DYNC2H1: variants seen among roughly 807,000 people sequenced by gnomAD.
The protein encoded by DYNC2H1 is cytoplasmic dynein 2 heavy chain 1.
DYNC2H1 carries 410 observed loss-of-function variants against 570.0 expected under a neutral mutation model. The ratio of observed to expected loss-of-function variants is 0.72; its 90% confidence interval spans 0.66 to 0.78. DYNC2H1 has a LOEUF of 0.78. DYNC2H1 is among the 30% of genes least tolerant of loss of function. The pLI, the probability that DYNC2H1 is intolerant of heterozygous loss-of-function variation, is 0.00. For missense variants in DYNC2H1, 4,865 were observed against 5,046.4 expected (o/e 0.96, Z 1.09); for synonymous variants, 1,688 against 1,677.6 (o/e 1.01, Z -0.15).
intron 87 of DYNC2H1, among the ~76,000 whole-genome samples, chr11:103,463,343 G>A (rs1160125595): frequency 2.6e-5 from 4 of 152,142 alleles, no homozygotes; most frequent in Non-Finnish European, 4.4e-5. Context: ...CTTTTTTAAA[G>A]TAAAAGGAAT....
At chr11:103,119,791 A>G (rs1304239828) in intron 6 of DYNC2H1, among the ~76,000 whole-genome samples, 1 of 152,176 alleles carries the variant, frequency 6.6e-6, no homozygotes, top group African/African-American at 2.4e-5. Context: ...CTGTAGGGGA[A>G]GTGCTGTTAC....
chr11:103,184,636 T>G (rs187897162), intron 40 of DYNC2H1, among the ~76,000 whole-genome samples: 1 of 152,016 alleles, frequency 6.6e-6, no homozygotes, highest in Admixed American at 6.6e-5. Context: ...ATTCTTCAGG[T>G]TTAGGAAGTA....
Position 103,316,570 on chromosome 11 carries a change from C to A in DYNC2H1, c.11675C>A (p.Ser3892Tyr). The part of the protein sequence containing the change: ...PQGWTKFYEF[S>Y]LSDLRAGYNI... ...GGTTGGACAAAGTTTTATGAATTTT[C>A]TTTATCAGATCTTCGGGCTGGGTAC... Residue 3892 changes from serine (S) to tyrosine (Y), a missense_variant, in exon 80 of 89, where the codon TCT becomes TAT. Coordinates refer to ENST00000375735, the MANE Select transcript of DYNC2H1 (RefSeq NM_001377.3). 6.4e-7 allele frequency: 1 copy of A among 1,558,940 alleles called. No individual in the cohort carries two copies. Among genetic ancestry groups the A allele is most frequent in the Non-Finnish European group, 8.7e-7 (1 of 1,153,102 alleles).
intron 84 of DYNC2H1, chr11:103,403,446 C>G (rs979673985): frequency 6.6e-6 from 1 of 151,840 alleles, no homozygotes; most frequent in African/African-American, 2.4e-5. Context: ...GTGTAGACCC[C>G]TCAGTCTTTA....
At chr11:103,179,665 A>T (rs1861770242) in intron 39 of DYNC2H1, among the ~76,000 whole-genome samples, 1 of 151,800 alleles carries the variant, frequency 6.6e-6, no homozygotes, top group Non-Finnish European at 1.5e-5. Context: ...TTTAGGGCTA[A>T]TTCAGGTTTA....
Position 103,479,462 on chromosome 11 carries a change from G to C in DYNC2H1, c.*209G>C, listed in dbSNP as rs1198136141. ...TTAATGGAGTTATTGTTAAAACAGA[G>C]TATTCTTTTGACAACATTAAATATT... On this transcript the variant is annotated 3_prime_UTR_variant, in exon 89 of 89. Coordinates refer to ENST00000375735, the MANE Select transcript of DYNC2H1 (RefSeq NM_001377.3). The C allele has an allele frequency of 2.2e-5, 10 of 448,558 alleles. No individual in the cohort carries two copies. Among genetic ancestry groups the C allele is most frequent in the Non-Finnish European group, 3.6e-5 (10 of 280,644 alleles). 27.8% of individuals were successfully genotyped at this position (448,558 alleles called of 1,614,324 possible).
At chr11:103,272,509 A>G (rs928222997) in intron 70 of DYNC2H1, among the ~76,000 whole-genome samples, 2 of 152,210 alleles carry the variant, frequency 1.3e-5, no homozygotes, top group African/African-American at 4.8e-5. Flanking sequence ...CCAACATGGC[A>G]CATGTATACA....
chr11:103,128,986 C>T lies in DYNC2H1; in HGVS notation c.1934C>T (p.Ala645Val), dbSNP rs183442510. 3 of 1,603,432 alleles carry T rather than the reference C, an allele frequency of 1.9e-6. No individual in the cohort carries two copies. Among genetic ancestry groups the T allele is most frequent in the Admixed American group, 3.4e-5 (2 of 59,266 alleles). The change falls in exon 13 of 89, where the codon GCA becomes GTA. Residue 645 changes from alanine to valine, a missense_variant. Around this residue, in one of 5 missense-constraint regions of DYNC2H1, gnomAD observed 1,936 missense variants for 1,962.1 expected, o/e 0.99. Transcript: ENST00000375735. The part of the protein sequence containing the change: ...QRPMMLQSAL[A>V]FEQIIKNSKA... Reference sequence around the variant, plus strand: ...CCAATGATGTTACAATCTGCCTTAGCATTTGAACAGATAATTAAGGTAAAT... The same window carrying T: ...CCAATGATGTTACAATCTGCCTTAGTATTTGAACAGATAATTAAGGTAAAT...
At chr11:103,338,729 A>G (rs766950000) in intron 82 of DYNC2H1, among the ~76,000 whole-genome samples, 2 of 152,114 alleles carry the variant, frequency 1.3e-5, no homozygotes, top group Non-Finnish European at 2.9e-5. Context: ...TCTCTGTGTT[A>G]TCTTGAAGTT....
In DYNC2H1 at chr11:103,156,462, A is replaced by G; in HGVS notation, c.3819A>G (p.Gly1273=). 6.2e-7 allele frequency: 1 copy of G among 1,613,736 alleles called. No homozygotes were observed. Among genetic ancestry groups the G allele is most frequent in the African/African-American group, 1.3e-5 (1 of 75,044 alleles). The change falls in exon 26 of 89, where the codon GGA becomes GGG. Residue 1273 remains glycine, a synonymous_variant. Transcript: ENST00000375735. The stretch of plus-strand genomic sequence containing the variant: ...GTGAACTTGATCTTTGGGGAGTTGG[A>G]GCAGTGTTTACATTAATTGATTATG... The part of the protein sequence containing the change: ...ALRELDLWGV[G]AVFTLIDYED...
In DYNC2H1 at chr11:103,133,906, A is replaced by G. The variant is rs112170098; in HGVS notation, c.2106+199A>G. Among the ~76,000 whole-genome samples, 1,075 of 152,296 alleles carry G rather than the reference A, an allele frequency of 7.1e-3. 9 individuals carry two copies. The highest frequency in any genetic ancestry group is 0.024 in the African/African-American group (1,014 of 41,546). On this transcript the variant is annotated intron_variant, in intron 14 of 88. Coordinates refer to ENST00000375735, the MANE Select transcript of DYNC2H1 (RefSeq NM_001377.3). This position sits in a 1 kb window ranked among gnomAD's most constrained non-coding sequence, Gnocchi z 4.8. Reference sequence around the variant, plus strand: ...AACCGGAGTAGTTATCAAAACCAGGAAAAAGACTGTTTTGAATTTTACAAT... The same window carrying G: ...AACCGGAGTAGTTATCAAAACCAGGGAAAAGACTGTTTTGAATTTTACAAT...
chr11:103,417,103 T>C (rs1233600267), intron 84 of DYNC2H1, among the ~76,000 whole-genome samples: 2 of 152,066 alleles, frequency 1.3e-5, no homozygotes, highest in Non-Finnish European at 2.9e-5. Flanking sequence ...GTTAGAATGA[T>C]GGAGTCTTTC....
At chr11:103,353,991 A>G (rs1026892048) in intron 82 of DYNC2H1, among the ~76,000 whole-genome samples, 9 of 151,984 alleles carry the variant, frequency 5.9e-5, no homozygotes, top group African/African-American at 2.2e-4. Flanking sequence ...ATCCTGGCCA[A>G]CATGAGGAAA....
At position 103,189,320 on chromosome 11, in the gene DYNC2H1, T is replaced by C. The variant is rs1862202204; in HGVS notation, c.7293-352T>C. On this transcript the variant is annotated intron_variant, in intron 44 of 88. Transcript: ENST00000375735. The surrounding 1 kb of genome is among the most constrained non-coding windows in gnomAD (Gnocchi z 4.3). ...TGTTGTATTAGTTTTACTTTTATAGTTCTGAGGTGGATTACTGCCCTGTGT... is the reference window on the plus strand; with the variant it reads ...TGTTGTATTAGTTTTACTTTTATAGCTCTGAGGTGGATTACTGCCCTGTGT... Among the ~76,000 whole-genome samples, 1 of 152,108 alleles carries C rather than the reference T, an allele frequency of 6.6e-6. No homozygotes were observed. The highest frequency in any genetic ancestry group is 2.4e-5 in the African/African-American group (1 of 41,422).
chr11:103,471,256 C>T (rs1196407905), intron 88 of DYNC2H1, among the ~76,000 whole-genome samples: 2 of 152,146 alleles, frequency 1.3e-5, no homozygotes, highest in Non-Finnish European at 2.9e-5. Context: ...TCCCCACCTC[C>T]TTTTTCCCCT....
chr11:103,471,749 A>T (rs1945395965), intron 88 of DYNC2H1, among the ~76,000 whole-genome samples: 1 of 152,222 alleles, frequency 6.6e-6, no homozygotes, highest in Non-Finnish European at 1.5e-5. Context: ...GGTTACGAAG[A>T]TAAACAGATT....
intron 76 of DYNC2H1, among the ~76,000 whole-genome samples, chr11:103,303,716 T>C (rs1338073942): frequency 6.6e-6 from 1 of 152,086 alleles, no homozygotes; most frequent in Non-Finnish European, 1.5e-5. Context: ...AGCCCTATAG[T>C]AGTACCTTTG....
At chr11:103,308,799 T>C (rs1401050835) in intron 78 of DYNC2H1, among the ~76,000 whole-genome samples, 1 of 152,188 alleles carries the variant, frequency 6.6e-6, no homozygotes, top group East Asian at 1.9e-4. Context: ...TTCGGAGAAA[T>C]GTCTTTTCAA....
Position 103,186,363 on chromosome 11 carries a change from A to T in DYNC2H1, c.6755A>T (p.Asp2252Val). ...VLKKPEDLTA[D>V]DFSNGLTLPV... ...AAGAAGCCAGAAGACTTGACTGCTG[A>T]TGATTTCAGTAACGGCTTAACTCTT... Residue 2252 changes from aspartate to valine, a missense_variant, in exon 42 of 89, where the codon GAT (aspartate) becomes GTT (valine). By Grantham distance (152) the Asp-to-Val change is radical. Transcript: ENST00000375735. The surrounding 1 kb of genome is among the most constrained non-coding windows in gnomAD (Gnocchi z 4.5). 1 of 1,612,920 alleles carries T rather than the reference A, an allele frequency of 6.2e-7. No homozygotes were observed. The highest frequency in any genetic ancestry group is 8.5e-7 in the Non-Finnish European group (1 of 1,179,212).
Sources: gnomAD v4.1 joint callset for allele counts (sites outside exome capture counted in the v4.1 genomes callset) on GRCh38, gnomAD v4.1.1 for gene constraint, gnomAD v4.1.1 regional missense constraint, Gnocchi (gnomAD v3.1) non-coding constraint, MANE v1.5 for transcripts, NCBI Gene and HGNC (gene_info 2026-07-23, HGNC 2026-07-21) for gene names.